The following DAB1 variants were observed in gnomAD, a reference collection of about 807,000 sequenced individuals.
DAB1 encodes the protein DAB adaptor protein 1.
In DAB1, 15 loss-of-function variants were observed where a neutral mutation model predicts 64.6. That is an observed-to-expected ratio of 0.23 (90% CI 0.16 to 0.36). DAB1 has a LOEUF of 0.36. DAB1 is among the 10% of genes least tolerant of loss of function. The pLI is 1.00. For missense variants in DAB1, 596 were observed against 706.7 expected, an observed-to-expected ratio of 0.84 and a Z score of 1.78; for synonymous variants, 235 against 251.9, an observed-to-expected ratio of 0.93 and a Z score of 0.64.
chr1:58,226,419 G>T (rs1659488210), intron 4 of DAB1, among the ~76,000 whole-genome samples: 1 of 151,916 alleles, frequency 6.6e-6, no homozygotes, highest in Admixed American at 6.6e-5. Context: ...ACTCAGAGAG[G>T]TTCACTTTAT....
At chr1:57,813,480 G>A (rs1651720326) in intron 6 of DAB1, among the ~76,000 whole-genome samples, 2 of 152,148 alleles carry the variant, frequency 1.3e-5, no homozygotes, top group Admixed American at 6.5e-5. Flanking sequence ...TGCCTTCAAG[G>A]AGCTCACAGC....
chr1:58,188,403 A>T (rs1657205868), intron 4 of DAB1, among the ~76,000 whole-genome samples: 1 of 152,222 alleles, frequency 6.6e-6, no homozygotes, highest in African/African-American at 2.4e-5. Flanking sequence ...AATTCACAAC[A>T]TATTCTATTA....
chr1:58,207,317 G>T (rs1162094405), intron 4 of DAB1, among the ~76,000 whole-genome samples: 2 of 152,220 alleles, frequency 1.3e-5, no homozygotes, highest in African/African-American at 2.4e-5. Flanking sequence ...GGTTAGAGTG[G>T]AAGTATGAAG....
rs1454682673 is a variant in DAB1 at position 58,201,039 on chromosome 1, T to TG, written n.310-50452dup. Among the ~76,000 whole-genome samples, 10 of 149,456 alleles carry TG rather than the reference T, an allele frequency of 6.7e-5. No individual in the cohort carries two copies. The East Asian group carries it at 2.0e-3, about 30-fold the overall frequency. On this transcript the variant is annotated intron_variant and non_coding_transcript_variant, in intron 4 of 20. Transcript: ENST00000485760. ...TTTGTTTTGTTTTTTTTTTTTGAGA[T>TG]GGAGTCTCGCTCTGTCGCCCAGGCT...
At chr1:57,695,359 AAG>A (rs1372070097) in intron 6 of DAB1, among the ~76,000 whole-genome samples, 594 of 30,954 alleles carry the variant, frequency 0.019, 7 homozygotes, top group Non-Finnish European at 0.025. Context: ...AAAGAAAAGA[AAG>A]AAGAAAGAAA....
chr1:58,419,538 C>G (rs569714629), intron 3 of DAB1, among the ~76,000 whole-genome samples: 32 of 152,278 alleles, frequency 2.1e-4, no homozygotes, highest in African/African-American at 7.5e-4. Context: ...GAAACCTGAA[C>G]TCTATTCCCA....
intron 3 of DAB1, among the ~76,000 whole-genome samples, chr1:58,344,687 T>C (rs777696085): frequency 2.6e-5 from 4 of 152,192 alleles, no homozygotes; most frequent in Non-Finnish European, 4.4e-5. Context: ...GAAACTTTTC[T>C]ATTCTTTTGG....
Position 58,496,472 on chromosome 1 carries a change from CATTT to C in DAB1, n.257+9584_257+9587del, listed in dbSNP as rs575958647. ...TTGCCTGTCCTCTCCCATAAAGTAA[CATTT>C]TTAAGTTTGACTTGAGATTTGGTTT... On this transcript the variant is annotated intron_variant and non_coding_transcript_variant, in intron 3 of 20. Transcript: ENST00000485760. Among the ~76,000 whole-genome samples, 7 of 152,290 alleles carry C rather than the reference CATTT, an allele frequency of 4.6e-5. No individual in the cohort carries two copies. In the South Asian group the frequency reaches 1.4e-3, roughly 32 times the overall value.
At position 57,481,048 on chromosome 1, in the gene DAB1, A is replaced by C. The variant is rs72911217; in HGVS notation, n.625+168544T>G. Among the ~76,000 whole-genome samples the C allele has an allele frequency of 0.01, 1,566 of 152,306 alleles. 44 individuals carry two copies. In the East Asian group the frequency reaches 0.13, roughly 13 times the overall value. ...AACTTATGACTGACAAAGTTGAGTC[A>C]TTCAGTCTCACTACACACAGTAGTC... is the stretch of plus-strand genomic sequence containing the variant. On this transcript the variant is annotated intron_variant and non_coding_transcript_variant, in intron 7 of 20. Transcript: ENST00000485760.
At chr1:58,192,268 T>C (rs1657427662) in intron 4 of DAB1, among the ~76,000 whole-genome samples, 1 of 152,206 alleles carries the variant, frequency 6.6e-6, no homozygotes, top group African/African-American at 2.4e-5. Flanking sequence ...GGATTTAAAT[T>C]ATTTTTAATT....
intron 7 of DAB1, among the ~76,000 whole-genome samples, chr1:57,431,151 A>C (rs1195501697): frequency 2.0e-5 from 3 of 151,612 alleles, no homozygotes; most frequent in Non-Finnish European, 4.4e-5. Context: ...AACAAAAAAA[A>C]AAAAAAGAAA....
chr1:58,139,919 AT>A (rs1654180297), intron 5 of DAB1, among the ~76,000 whole-genome samples: 2 of 152,198 alleles, frequency 1.3e-5, no homozygotes, highest in African/African-American at 4.8e-5. Flanking sequence ...AAACTATATT[AT>A]TAAATAAGAT....
At chr1:57,991,529 A>G (rs1473675249) in intron 5 of DAB1, among the ~76,000 whole-genome samples, 4 of 152,078 alleles carry the variant, frequency 2.6e-5, no homozygotes, top group Non-Finnish European at 4.4e-5. Flanking sequence ...AAGCCATGGG[A>G]GGCCAGCCCA....
chr1:57,321,988 C>T (rs1675762281), intron 1 of DAB1, among the ~76,000 whole-genome samples: 1 of 152,184 alleles, frequency 6.6e-6, no homozygotes, highest in Non-Finnish European at 1.5e-5. Context: ...TATTGGATGG[C>T]TCTCACTGGC....
intron 6 of DAB1, among the ~76,000 whole-genome samples, chr1:57,714,021 G>T (rs997174541): frequency 6.6e-6 from 1 of 152,166 alleles, no homozygotes; most frequent in Non-Finnish European, 1.5e-5. Flanking sequence ...CAGGATACAA[G>T]ATGATACAAC....
At chr1:57,806,821 C>A (rs1261803997) in intron 6 of DAB1, among the ~76,000 whole-genome samples, 3 of 152,126 alleles carry the variant, frequency 2.0e-5, no homozygotes, top group Non-Finnish European at 2.9e-5. Flanking sequence ...CTAATACGTC[C>A]CACTTCCCTT....
intron 5 of DAB1, among the ~76,000 whole-genome samples, chr1:58,105,619 C>T (rs1484466667): frequency 6.6e-6 from 1 of 152,174 alleles, no homozygotes; most frequent in Admixed American, 6.5e-5. Flanking sequence ...GATGATGATA[C>T]ATACCTGCTT....
At chr1:57,147,654 C>T (rs1444659462) in intron 2 of DAB1, among the ~76,000 whole-genome samples, 1 of 152,166 alleles carries the variant, frequency 6.6e-6, no homozygotes, top group Non-Finnish European at 1.5e-5. Context: ...AAACATCCTC[C>T]TCTTCAACAT....
At chr1:58,509,302 C>T (rs1480622727) in intron 2 of DAB1, among the ~76,000 whole-genome samples, 3 of 151,184 alleles carry the variant, frequency 2.0e-5, no homozygotes, top group Admixed American at 6.6e-5. Flanking sequence ...GAACAATGTA[C>T]GAACAAAGTG....
Sources: gnomAD v4.1 joint callset for allele counts (sites outside exome capture counted in the v4.1 genomes callset) on GRCh38, gnomAD v4.1.1 for gene constraint, MANE v1.5 for transcripts, NCBI Gene and HGNC (gene_info 2026-07-23, HGNC 2026-07-21) for gene names.